Variants in POLG observed in about 807,000 individuals in gnomAD.
POLG encodes DNA polymerase subunit gamma-1.
Under a neutral mutation model 155.4 loss-of-function variants are expected in POLG, and 110 were observed. The observed-to-expected ratio is 0.71, with a 90% confidence interval of 0.61 to 0.83. The LOEUF is 0.83. Among genes scored for constraint, POLG ranks in the 40% least tolerant of loss-of-function variants. The pLI, the probability that POLG is intolerant of heterozygous loss-of-function variation, is 0.00. For synonymous variants in POLG, 701 were observed against 631.5 expected, an observed-to-expected ratio of 1.11 and a Z score of -1.65; for missense variants, 1,685 against 1,627.5, an observed-to-expected ratio of 1.04 and a Z score of -0.61.
chr15:89,333,371 C>G lies in POLG; in HGVS notation c.384G>C (p.Pro128=), dbSNP rs558958919. ...GGTCCAGGTTGTCCCCGTAGAGGGG[C>G]GGCAGGCGCAGCTCCACGTCGGGCA... ...VPLPDVELRL[P]PLYGDNLDQH... is the part of the protein sequence containing the mutation. Residue 128 remains proline, a synonymous_variant, in exon 2 of 23, where the codon CCG becomes CCC. Coordinates refer to ENST00000268124, the MANE Select transcript of POLG (RefSeq NM_002693.3). 2 of 1,576,996 alleles carry G rather than the reference C, an allele frequency of 1.3e-6. No individual in the cohort carries two copies. The highest frequency in any genetic ancestry group is 2.3e-5 in the South Asian group (2 of 87,740).
rs577662378 is a variant in POLG at position 89,321,600 on chromosome 15, T to G, written c.2598+136A>C. 186 of 794,820 alleles carry G rather than the reference T, an allele frequency of 2.3e-4. 2 individuals carry two copies. In the East Asian group the frequency reaches 3.9e-3, roughly 17 times the overall value. The allele number at this position is 794,820 out of a possible 1,614,324, so 49.2% of individuals were successfully genotyped here. ...GTGGACAGAAATCATGAAGCCAGAT[T>G]TGACTAGAGTCCTGCCTGACCCAGA... On this transcript the variant is annotated intron_variant, in intron 16 of 22. Coordinates refer to ENST00000268124, the MANE Select transcript of POLG (RefSeq NM_002693.3).
In POLG at chr15:89,319,065, G is replaced by A. The variant is rs181860632; in HGVS notation, c.3139C>T (p.Arg1047Trp). ...GACTCTGTGCCCCCCTTCCATGCCC[G>A]TTCAGCAACCACCTCCCACTTCTTC... ...QWKKWEVVAE[R>W]AWKGGTESEM... Residue 1047 changes from arginine (R) to tryptophan (W), a missense_variant, in exon 20 of 23, where the codon CGG becomes TGG. Transcript: ENST00000268124. 89 of 1,614,088 alleles carry A rather than the reference G, an allele frequency of 5.5e-5. No individual in the cohort carries two copies. Among genetic ancestry groups the A allele is most frequent in the East Asian group, 1.6e-4 (7 of 44,884 alleles).
rs781130302 is a variant in POLG at position 89,325,466 on chromosome 15, C to A, written c.1933G>T (p.Val645Leu). ...AAGCCTTACCTGTAGGGGCAGACCACCCCAGCTGACTCCAGGGTGGTACCT... is the reference window on the plus strand; with the variant it reads ...AAGCCTTACCTGTAGGGGCAGACCAACCCAGCTGACTCCAGGGTGGTACCT... ...PTGTTLESAG[V>L]VCPYRAIESL... Residue 645 changes from valine to leucine, a missense_variant, in exon 10 of 23, where the codon GTG (valine) becomes TTG (leucine). By Grantham distance (32) the Val-to-Leu change is conservative (BLOSUM62 1). Coordinates refer to ENST00000268124, the MANE Select transcript of POLG (RefSeq NM_002693.3). 6 of 1,603,716 alleles carry A rather than the reference C, an allele frequency of 3.7e-6. No homozygotes were observed. The highest frequency in any genetic ancestry group is 5.1e-6 in the Non-Finnish European group (6 of 1,179,514).
At chr15:89,318,070 TATAAG>T (rs1451334327) in intron 21 of POLG, 21 of 222,234 alleles carry the variant, frequency 9.4e-5, no homozygotes, top group African/African-American at 2.4e-4. Context: ...ATATAAAATA[TATAAG>T]ATATTTTTAA....
rs567030498 is a variant in POLG, at chr15:89,319,338, C to G, written c.2994G>C (p.Ser998=). 1.8e-4 allele frequency: 297 copies of G among 1,614,058 alleles called. 5 individuals are homozygous for G. The South Asian group carries it at 3.1e-3, about 17-fold the overall frequency. ...ATKGLRWYRL[S]DEGEWLVREL... ...CCCTCACCAGCCACTCGCCCTCATC[C>G]GACAGCCGATACCTGGGGGCAGTGT... Residue 998 remains serine (S), a synonymous_variant, in exon 19 of 23, where the codon TCG becomes TCC. Coordinates refer to ENST00000268124, the MANE Select transcript of POLG (RefSeq NM_002693.3).
At chr15:89,319,388 C>A in intron 18 of POLG, 38 bp from the exon 19 acceptor site, 1 of 1,611,122 alleles carries the variant, frequency 6.2e-7, no homozygotes, top group Non-Finnish European at 8.5e-7. Context: ...CACGGGAGTG[C>A]TTCCTGTGCC....
At position 89,326,897 on chromosome 15, in the gene POLG, A is replaced by C. The variant is rs534475232; in HGVS notation, c.1585+15T>G. 21 of 1,613,490 alleles carry C rather than the reference A, an allele frequency of 1.3e-5. No homozygotes were observed. In the South Asian group the frequency reaches 2.3e-4, roughly 18 times the overall value. ...CAACCCCTACCCTACCCTACCTCCC[A>C]CCCATGCTCCCCACCTTCCTGATCC... On this transcript the variant is annotated intron_variant, in intron 8 of 22. Coordinates refer to ENST00000268124, the MANE Select transcript of POLG (RefSeq NM_002693.3).
rs139717885 is a variant in POLG at position 89,325,610 on chromosome 15, G to A, written c.1789C>T (p.Arg597Trp). Residue 597 changes from arginine to tryptophan, a missense_variant, in exon 10 of 23, where the codon CGG (arginine) becomes TGG (tryptophan). Physicochemically the swap from Arg to Trp is moderately radical, Grantham distance 101. Coordinates refer to ENST00000268124, the MANE Select transcript of POLG (RefSeq NM_002693.3). ...AGTGCCATGAGTTTAGGTGTGACCCGCATCTGCAGGCTGAGGAGGCTGGGG... is the reference window on the plus strand; with the variant it reads ...AGTGCCATGAGTTTAGGTGTGACCCACATCTGCAGGCTGAGGAGGCTGGGG... ...PGPSLLSLQMRVTPKLMALTW... is the reference protein window; with the variant it reads ...PGPSLLSLQMWVTPKLMALTW... 23 of 1,613,526 alleles carry A rather than the reference G, an allele frequency of 1.4e-5. No homozygotes were observed. Among genetic ancestry groups the A allele is most frequent in the South Asian group, 8.8e-5 (8 of 91,074 alleles).
At chr15:89,334,007 A>C (rs746307020) in intron 1 of POLG, 94 bp from the exon 2 acceptor site, 1 of 559,908 alleles carries the variant, frequency 1.8e-6, no homozygotes, top group Non-Finnish European at 3.2e-6. Flanking sequence ...TGCGTCCCCA[A>C]CACTGTGCCA....
intron 1 of POLG, 155 bp from the exon 2 acceptor site, chr15:89,334,068 T>G: frequency 9.2e-6 from 4 of 432,912 alleles, no homozygotes; most frequent in Non-Finnish European, 1.3e-5. Context: ...GAAACGTCAA[T>G]ACCCCTCCTG....
In POLG at chr15:89,316,341, T is replaced by G; in HGVS notation, c.*410A>C. The stretch of plus-strand genomic sequence containing the variant: ...AGTCTTTTTTTTCCTTCTTTTTATT[T>G]CCACTGCCTTGGAGCAGGTTTATCA... On this transcript the variant is annotated 3_prime_UTR_variant, in exon 23 of 23. Coordinates refer to ENST00000268124, the MANE Select transcript of POLG (RefSeq NM_002693.3). 1.3e-6 allele frequency: 2 copies of G among 1,536,862 alleles called. No individual in the cohort carries two copies. Among genetic ancestry groups the G allele is most frequent in the Non-Finnish European group, 1.8e-6 (2 of 1,123,226 alleles).
At position 89,317,302 on chromosome 15, in the gene POLG, C is replaced by T. The variant is rs912740266; in HGVS notation, c.3643+74G>A. 1.9e-5 allele frequency: 28 copies of T among 1,499,458 alleles called. No individual in the cohort carries two copies. In the African/African-American group the frequency reaches 3.3e-4, roughly 18 times the overall value. 92.9% of individuals were successfully genotyped at this position (1,499,458 alleles called of 1,614,324 possible). ...GTGGATTCTCTGGGGCCCCAAGTTTCCTGTTCTCCAAGACCCACTTTCTAG... is the reference window on the plus strand; with the variant it reads ...GTGGATTCTCTGGGGCCCCAAGTTTTCTGTTCTCCAAGACCCACTTTCTAG... On this transcript the variant is annotated intron_variant, in intron 22 of 22. Coordinates refer to ENST00000268124, the MANE Select transcript of POLG (RefSeq NM_002693.3).
chr15:89,331,500 TTAAGA>T (rs1247286426), intron 2 of POLG, among the ~76,000 whole-genome samples: 5 of 152,166 alleles, frequency 3.3e-5, no homozygotes, highest in African/African-American at 1.2e-4. Context: ...CAAGCCAAAT[TTAAGA>T]TGAGTAGGGA....
In POLG at chr15:89,327,215, G is replaced by T; in HGVS notation, c.1385C>A (p.Ser462Ter). 1 of 1,614,188 alleles carries T rather than the reference G, an allele frequency of 6.2e-7. No individual in the cohort carries two copies. Among genetic ancestry groups the T allele is most frequent in the South Asian group, 1.1e-5 (1 of 91,080 alleles). The change falls in exon 7 of 23, where the codon TCG becomes TAG. Residue 462 changes from serine to a stop codon, truncating the protein, a stop_gained. Coordinates refer to ENST00000268124, the MANE Select transcript of POLG (RefSeq NM_002693.3). LOFTEE classifies it high-confidence loss of function. ...YEELQREMKK[S>*]LMDLANDACQ... ...GGCATCATTGGCCAGATCCATCAAC[G>T]ACTTCTTCATCTCCCGCTGGAGCTC...
chr15:89,318,460 A>G, intron 21 of POLG, 81 bp downstream of exon 21: 1 of 1,140,754 alleles, frequency 8.8e-7, no homozygotes, highest in Non-Finnish European at 1.3e-6. Flanking sequence ...GTCAAAACTG[A>G]CCAGTCTGGC....
intron 22 of POLG, 107 bp from the exon 23 acceptor site, chr15:89,316,934 T>C (rs2055287817): frequency 1.2e-6 from 1 of 818,848 alleles, no homozygotes. Context: ...GAGTGAAAGG[T>C]TGAGAACAAT....
chr15:89,321,348 T>G, intron 16 of POLG, 88 bp from the exon 17 acceptor site: 1 of 1,455,774 alleles, frequency 6.9e-7, no homozygotes, highest in Non-Finnish European at 9.5e-7. Flanking sequence ...GAGCCTTTCC[T>G]GAGGGGATGG....
At chr15:89,332,607 G>A (rs1010637754) in intron 2 of POLG, among the ~76,000 whole-genome samples, 1 of 148,312 alleles carries the variant, frequency 6.7e-6, no homozygotes, top group African/African-American at 2.5e-5. Flanking sequence ...GGCGGGGGCA[G>A]GGGGGCGGGG....
rs2055634030 is a variant in POLG at position 89,333,843 on chromosome 15, AG to A, written c.-90del. 7.0e-7 allele frequency: 1 copy of A among 1,436,952 alleles called. No individual in the cohort carries two copies. Among genetic ancestry groups the A allele is most frequent in the South Asian group, 1.2e-5 (1 of 81,854 alleles). 89.0% of individuals were successfully genotyped at this position (1,436,952 alleles called of 1,614,324 possible). On this transcript the variant is annotated 5_prime_UTR_variant, in exon 2 of 23. An upstream open reading frame in the 5' UTR loses its in-frame stop. Coordinates refer to ENST00000268124, the MANE Select transcript of POLG (RefSeq NM_002693.3). ...CTTTTACTGGCTGGAAGACGTGGAG[AG>A]AGACACGTCCTGTCTCTGCTCTCCT... is the stretch of plus-strand genomic sequence containing the variant.
Sources: gnomAD v4.1 joint callset for allele counts (sites outside exome capture counted in the v4.1 genomes callset) on GRCh38, gnomAD v4.1.1 for gene constraint, MANE v1.5 for transcripts, NCBI Gene and HGNC (gene_info 2026-07-23, HGNC 2026-07-21) for gene names.